The following CASP8 variants were observed in gnomAD, a reference collection of about 807,000 sequenced individuals.
CASP8 encodes caspase-8.
A neutral mutation model predicts 46.3 loss-of-function variants in CASP8; 24 were observed. That is an observed-to-expected ratio of 0.52 (90% CI 0.38 to 0.73). CASP8 has a LOEUF of 0.73. Among genes scored for constraint, CASP8 ranks in the 30% least tolerant of loss-of-function variants. The pLI, the probability that CASP8 is intolerant of heterozygous loss-of-function variation, is 0.00. For missense variants in CASP8, 460 were observed against 559.0 expected (o/e 0.82, Z 1.79); for synonymous variants, 188 against 200.4 (o/e 0.94, Z 0.52).
intron 1 of CASP8, among the ~76,000 whole-genome samples, chr2:201,263,518 A>G (rs1185431003): frequency 2.0e-5 from 3 of 152,262 alleles, no homozygotes; most frequent in African/African-American, 7.2e-5. Context: ...ATTTGGTAGG[A>G]AAGAGTAAAA....
At chr2:201,248,975 T>G (rs6730749) in intron 2 of CASP8, among the ~76,000 whole-genome samples, 25 of 152,254 alleles carry the variant, frequency 1.6e-4, no homozygotes, top group Admixed American at 1.3e-3. Flanking sequence ...CACTACAACC[T>G]CTGCCTCCTG....
intron 1 of CASP8, among the ~76,000 whole-genome samples, chr2:201,265,933 C>T (rs899197981): frequency 6.6e-6 from 1 of 152,040 alleles, no homozygotes; most frequent in Non-Finnish European, 1.5e-5. Flanking sequence ...CCCTACCACA[C>T]TCTGGTCACA....
At chr2:201,238,632 G>A (rs1021453807) in intron 2 of CASP8, among the ~76,000 whole-genome samples, 1 of 152,016 alleles carries the variant, frequency 6.6e-6, no homozygotes, top group Non-Finnish European at 1.5e-5. Flanking sequence ...TAGTAGAGAC[G>A]GGGTTTCATC....
intron 5 of CASP8, among the ~76,000 whole-genome samples, chr2:201,274,319 A>G (rs1199009122): frequency 1.3e-5 from 2 of 152,170 alleles, no homozygotes; most frequent in African/African-American, 4.8e-5. Context: ...GGCCATGTGG[A>G]GCAATATAAA....
intron 2 of CASP8, among the ~76,000 whole-genome samples, chr2:201,267,050 T>A (rs1318719027): frequency 1.3e-5 from 2 of 151,938 alleles, no homozygotes; most frequent in African/African-American, 4.8e-5. Context: ...CTTGGGAGGC[T>A]TTGGGAAGAT....
intron 2 of CASP8, chr2:201,240,665 T>C (rs1463187000): frequency 6.6e-6 from 1 of 152,110 alleles, no homozygotes; most frequent in African/African-American, 2.4e-5. Flanking sequence ...TAAACAACAT[T>C]ATAGACCAAA....
At chr2:201,274,808 G>A in intron 5 of CASP8, 81 bp from the exon 6 acceptor site, 1 of 1,081,562 alleles carries the variant, frequency 9.2e-7, no homozygotes, top group Non-Finnish European at 1.4e-6. Context: ...ACCTTATGTT[G>A]TCCTATGTGC....
At chr2:201,277,509 TACA>T (rs1306220643) in intron 7 of CASP8, among the ~76,000 whole-genome samples, 5 of 152,182 alleles carry the variant, frequency 3.3e-5, no homozygotes, top group East Asian at 1.9e-4. Context: ...AAAAAGTGAC[TACA>T]ACAACAAAAA....
At chr2:201,270,088 CGT>C (rs914226708) in intron 2 of CASP8, among the ~76,000 whole-genome samples, 22 of 152,224 alleles carry the variant, frequency 1.4e-4, no homozygotes, top group Non-Finnish European at 3.1e-4. Context: ...TTAAAGTCAA[CGT>C]GTTTTTGTAT....
At chr2:201,273,199 A>G (rs1205326560) in intron 5 of CASP8, among the ~76,000 whole-genome samples, 19 of 152,076 alleles carry the variant, frequency 1.2e-4, no homozygotes, top group Admixed American at 1.2e-3. Context: ...CTGGGATTAC[A>G]GGTGCGTGCA....
chr2:201,281,165 T>C (rs1481761006), intron 7 of CASP8, among the ~76,000 whole-genome samples: 3 of 151,900 alleles, frequency 2.0e-5, no homozygotes, highest in African/African-American at 7.2e-5. Flanking sequence ...AATACAAAAA[T>C]TAGCTGGGTG....
At chr2:201,274,547 T>C (rs1229867049) in intron 5 of CASP8, among the ~76,000 whole-genome samples, 5 of 152,240 alleles carry the variant, frequency 3.3e-5, no homozygotes, top group Admixed American at 1.3e-4. Context: ...CGATCTCAGC[T>C]CACTGCAACC....
Position 201,275,568 on chromosome 2 carries a change from T to C in CASP8, c.660+615T>C, listed in dbSNP as rs1354138104. Among the ~76,000 whole-genome samples the C allele has an allele frequency of 2.0e-5, 3 of 152,226 alleles. No individual in the cohort carries two copies. The South Asian group carries it at 6.2e-4, about 31-fold the overall frequency. On this transcript the variant is annotated intron_variant, in intron 6 of 8. Transcript: ENST00000673742. ...TATCTGAAGTAGGCTTGAGAGAGAT[T>C]ATTCACTAGTGTGGGCTCCTGAGAA...
chr2:201,252,145 C>T (rs527419365), intron 2 of CASP8, among the ~76,000 whole-genome samples: 129 of 152,288 alleles, frequency 8.5e-4, no homozygotes, highest in African/African-American at 2.8e-3. Context: ...TGCTTATTTG[C>T]CATCTGTATA....
At chr2:201,268,909 TTGTGTGTGTGTGTGTGTGTGTGTG>T (rs58087434) in intron 2 of CASP8, among the ~76,000 whole-genome samples, 2 of 131,534 alleles carry the variant, frequency 1.5e-5, no homozygotes, top group South Asian at 2.5e-4. Context: ...GGCCTCATCT[TTGTGTGTGTGTGTGTGTGTGTGTG>T]TGTGTGTGTG....
chr2:201,261,406 A>T (rs1279154586), intron 1 of CASP8, among the ~76,000 whole-genome samples: 4 of 152,160 alleles, frequency 2.6e-5, no homozygotes, highest in East Asian at 3.9e-4. Context: ...AAAAAAAAAA[A>T]AAAAAATTAA....
In CASP8 at chr2:201,286,805, G is replaced by C; in HGVS notation, c.*211G>C. The C allele has an allele frequency of 2.2e-6, 1 of 458,982 alleles. No homozygotes were observed. Among genetic ancestry groups the C allele is most frequent in the Non-Finnish European group, 4.0e-6 (1 of 248,854 alleles). The allele number at this position is 458,982 out of a possible 1,614,324, so 28.4% of individuals were successfully genotyped here. A position where few individuals can be genotyped will look rare whatever the true frequency, so the allele number is the denominator to read the frequency against. On this transcript the variant is annotated 3_prime_UTR_variant, in exon 9 of 9. Transcript: ENST00000673742. The stretch of plus-strand genomic sequence containing the variant: ...TAATTTTTTAAAAATATTTTTAGTA[G>C]AGACAGGGTTTCACTGTGTTAGCCA...
chr2:201,282,796 G>A (rs1354210764), intron 7 of CASP8, among the ~76,000 whole-genome samples: 4 of 86,072 alleles, frequency 4.6e-5, no homozygotes, highest in Admixed American at 1.0e-4. Flanking sequence ...CCTCCCGGAC[G>A]GGGCAGCCGG....
chr2:201,240,991 C>T (rs1394121968), intron 2 of CASP8: 1 of 151,936 alleles, frequency 6.6e-6, no homozygotes, highest in African/African-American at 2.4e-5. Context: ...AAAAGAAAAG[C>T]ACAACATACC....
Sources: allele counts gnomAD v4.1 joint callset (sites outside exome capture counted in the v4.1 genomes callset), GRCh38; gene constraint gnomAD v4.1.1; transcripts MANE v1.5; gene names NCBI Gene and HGNC (gene_info 2026-07-23, HGNC 2026-07-21).